TNNI3K: variants seen among roughly 807,000 people sequenced by gnomAD.
TNNI3K encodes serine/threonine-protein kinase TNNI3K.
A neutral mutation model predicts 114.5 loss-of-function variants in TNNI3K; 140 were observed. That is an observed-to-expected ratio of 1.22 (90% confidence interval 1.07 to 1.41). TNNI3K has a LOEUF of 1.41. TNNI3K is among the 40% of genes most tolerant of loss of function. The pLI is 0.00. For synonymous variants in TNNI3K, 347 were observed against 347.5 expected (o/e 1.00, Z 0.02); for missense variants, 1,125 against 1,007.6 (o/e 1.12, Z -1.58).
intron 2 of TNNI3K, among the ~76,000 whole-genome samples, chr1:74,241,666 C>G (rs1654223795): frequency 6.6e-6 from 1 of 151,986 alleles, no homozygotes; most frequent in African/African-American, 2.4e-5. Flanking sequence ...ATTGTAGATT[C>G]TAGATATTAG....
intron 23 of TNNI3K, among the ~76,000 whole-genome samples, chr1:74,496,812 T>C (rs747916563): frequency 6.6e-6 from 1 of 152,190 alleles, no homozygotes; most frequent in Non-Finnish European, 1.5e-5. Flanking sequence ...ATGTGGCAGT[T>C]GCTCCTCCCA....
intron 17 of TNNI3K, among the ~76,000 whole-genome samples, chr1:74,383,949 A>G (rs1042315613): frequency 9.2e-5 from 14 of 152,208 alleles, no homozygotes; most frequent in African/African-American, 3.4e-4. Flanking sequence ...AGGTTATTAC[A>G]CACACTAGAT....
chr1:74,246,607 G>T (rs1654573864), intron 2 of TNNI3K, among the ~76,000 whole-genome samples: 1 of 152,150 alleles, frequency 6.6e-6, no homozygotes, highest in African/African-American at 2.4e-5. Flanking sequence ...TGGACTGGGG[G>T]AGGAGAGAGA....
chr1:74,299,066 A>G (rs1658161430), intron 5 of TNNI3K, among the ~76,000 whole-genome samples: 1 of 152,260 alleles, frequency 6.6e-6, no homozygotes, highest in Middle Eastern at 3.4e-3. Flanking sequence ...TTCCTGAATT[A>G]TATTAGAGGT....
chr1:74,512,500 A>G (rs1280465288), intron 23 of TNNI3K: 3 of 152,226 alleles, frequency 2.0e-5, no homozygotes, highest in Non-Finnish European at 4.4e-5. Flanking sequence ...CATAACAAAA[A>G]CACCAAAAGA....
At chr1:74,468,518 T>G (rs1197909041) in intron 21 of TNNI3K, 3 of 152,100 alleles carry the variant, frequency 2.0e-5, no homozygotes, top group Admixed American at 1.3e-4. Context: ...AATAAAGTCT[T>G]GAATATTGGC....
At position 74,436,492 on chromosome 1, in the gene TNNI3K, C is replaced by A. The variant is rs1666134016; in HGVS notation, c.1844C>A (p.Ser615Tyr). 2 of 1,586,700 alleles carry A rather than the reference C, an allele frequency of 1.3e-6. No individual in the cohort carries two copies. Among genetic ancestry groups the A allele is most frequent in the South Asian group, 1.2e-5 (1 of 85,420 alleles). The change falls in exon 19 of 25, where the codon TCT (serine) becomes TAT (tyrosine). Residue 615 changes from serine (S) to tyrosine (Y), a missense_variant. Transcript: ENST00000326637. ...ADFGESRFLQ[S>Y]LDEDNMTKQP... ...CCCTCAGAATCAAGATTTCTACAGT[C>A]TCTGGATGAAGACAACATGACAAAA...
intron 23 of TNNI3K, among the ~76,000 whole-genome samples, chr1:74,535,033 T>TA (rs11456048): frequency 0.46 from 69,077 of 151,622 alleles, 16,187 homozygotes; most frequent in East Asian, 0.64. Flanking sequence ...GGCATGTATG[T>TA]AAAAATCAGG....
chr1:74,417,226 T>C (rs1665159783), intron 17 of TNNI3K, among the ~76,000 whole-genome samples: 1 of 151,998 alleles, frequency 6.6e-6, no homozygotes, highest in Non-Finnish European at 1.5e-5. Context: ...ACTATGAAAA[T>C]GTACTGCTCA....
intron 23 of TNNI3K, among the ~76,000 whole-genome samples, chr1:74,509,121 A>G (rs958640146): frequency 3.9e-5 from 6 of 152,224 alleles, no homozygotes; most frequent in African/African-American, 1.4e-4. Flanking sequence ...TTGAGATAGT[A>G]GAGCACTCCT....
At chr1:74,302,103 C>T (rs1213246033) in intron 5 of TNNI3K, among the ~76,000 whole-genome samples, 1 of 152,228 alleles carries the variant, frequency 6.6e-6, no homozygotes, top group Non-Finnish European at 1.5e-5. Context: ...AGCCTGTACT[C>T]ATTTCATGTC....
intron 17 of TNNI3K, chr1:74,416,434 T>C (rs1317564748): frequency 1.0e-6 from 1 of 956,446 alleles, no homozygotes; most frequent in African/African-American, 1.8e-5. Flanking sequence ...ATGCGTGACA[T>C]AGTTTGGGGT....
chr1:74,381,834 A>G (rs951324030), intron 17 of TNNI3K, among the ~76,000 whole-genome samples: 6 of 152,214 alleles, frequency 3.9e-5, no homozygotes, highest in Non-Finnish European at 8.8e-5. Flanking sequence ...CACAAAACTT[A>G]AAGGTGCAAT....
intron 5 of TNNI3K, among the ~76,000 whole-genome samples, chr1:74,281,500 A>G (rs1657014623): frequency 6.6e-6 from 1 of 152,148 alleles, no homozygotes; most frequent in Non-Finnish European, 1.5e-5. Flanking sequence ...TATCCTAGGT[A>G]GGGTAAAACA....
chr1:74,243,769 G>A (rs181167181), intron 2 of TNNI3K, among the ~76,000 whole-genome samples: 1 of 152,176 alleles, frequency 6.6e-6, no homozygotes, highest in East Asian at 1.9e-4. Context: ...ATTAAGAACA[G>A]CATTTACTAT....
chr1:74,437,675 A>G (rs1666197748), intron 19 of TNNI3K, among the ~76,000 whole-genome samples: 1 of 152,038 alleles, frequency 6.6e-6, no homozygotes, highest in South Asian at 2.1e-4. Context: ...TTTATGAGGT[A>G]AGGGAGGTGG....
intron 17 of TNNI3K, among the ~76,000 whole-genome samples, chr1:74,378,309 A>C (rs1257455906): frequency 6.6e-6 from 1 of 151,900 alleles, no homozygotes; most frequent in African/African-American, 2.4e-5. Flanking sequence ...ACAATATGAA[A>C]TTCAGATTAG....
intron 17 of TNNI3K, among the ~76,000 whole-genome samples, chr1:74,405,281 A>C (rs1223488123): frequency 1.3e-5 from 2 of 152,174 alleles, no homozygotes; most frequent in African/African-American, 4.8e-5. Flanking sequence ...GATTGATCAA[A>C]GAATATAGAT....
intron 17 of TNNI3K, among the ~76,000 whole-genome samples, chr1:74,406,623 A>G (rs1664627719): frequency 6.6e-6 from 1 of 152,188 alleles, no homozygotes; most frequent in South Asian, 2.1e-4. Flanking sequence ...ATTTCACAAT[A>G]ATCTCCTTAT....
Sources: gnomAD v4.1 joint callset for allele counts (sites outside exome capture counted in the v4.1 genomes callset) on GRCh38, gnomAD v4.1.1 for gene constraint, MANE v1.5 for transcripts, NCBI Gene and HGNC (gene_info 2026-07-23, HGNC 2026-07-21) for gene names.